LDLRAD4: variants seen among roughly 807,000 people sequenced by gnomAD.
LDLRAD4 encodes low-density lipoprotein receptor class A domain-containing protein 4.
LDLRAD4 carries 5 observed loss-of-function variants against 17.0 expected under a neutral mutation model. The observed-to-expected ratio is 0.29, with a 90% CI of 0.15 to 0.62. The LOEUF (loss-of-function observed/expected upper bound fraction) is 0.62, where lower values mean the gene tolerates loss of function less well. Among genes scored for constraint, LDLRAD4 ranks in the 20% least tolerant of loss-of-function variants. LDLRAD4 has a pLI of 0.84. For missense variants in LDLRAD4, 340 were observed against 424.7 expected, an observed-to-expected ratio of 0.80 and a Z score of 1.75; for synonymous variants, 168 against 171.8, an observed-to-expected ratio of 0.98 and a Z score of 0.17.
chr18:13,583,360 G>A lies in LDLRAD4; in HGVS notation c.182-37757G>A, dbSNP rs75212857. ...GGAGAGAGGATGGCTGACAGACTGG[G>A]GCGGCCTCCTGATGGCCACGTGTGT... is the stretch of plus-strand genomic sequence containing the variant. On this transcript the variant is annotated intron_variant, in intron 3 of 5. Coordinates refer to ENST00000359446, the Ensembl canonical transcript of LDLRAD4. Among the ~76,000 whole-genome samples, 158 of 152,226 alleles carry A rather than the reference G, an allele frequency of 1.0e-3. No individual in the cohort carries two copies. In the East Asian group the frequency reaches 0.019, roughly 18 times the overall value.
chr18:13,284,648 C>T (rs2045503067), intron 1 of LDLRAD4, among the ~76,000 whole-genome samples: 1 of 152,158 alleles, frequency 6.6e-6, no homozygotes, highest in African/African-American at 2.4e-5. Flanking sequence ...GGATTCTCAG[C>T]AGCAGCTTGA....
intron 3 of LDLRAD4, among the ~76,000 whole-genome samples, chr18:13,587,897 A>C (rs1436216087): frequency 6.6e-6 from 1 of 152,232 alleles, no homozygotes; most frequent in Non-Finnish European, 1.5e-5. Context: ...TTATGTAGTA[A>C]TAGCCGGTAG....
intron 1 of LDLRAD4, among the ~76,000 whole-genome samples, chr18:13,322,898 T>TACA (rs2143411140): frequency 6.6e-6 from 1 of 152,170 alleles, no homozygotes; most frequent in East Asian, 1.9e-4. Context: ...TTGCTGGCAT[T>TACA]ACAGGCGTGA....
intron 3 of LDLRAD4, among the ~76,000 whole-genome samples, chr18:13,504,585 G>A (rs539177636): frequency 2.6e-5 from 4 of 152,016 alleles, no homozygotes; most frequent in South Asian, 2.1e-4. Context: ...GCGCTATCAC[G>A]CCTGGCTAAT....
intron 3 of LDLRAD4, among the ~76,000 whole-genome samples, chr18:13,568,353 G>A (rs898134713): frequency 6.6e-6 from 1 of 151,834 alleles, no homozygotes; most frequent in Non-Finnish European, 1.5e-5. Context: ...TGGTATAGGG[G>A]CCCCACTAAG....
At chr18:13,371,139 G>A (rs1042037199) in intron 1 of LDLRAD4, among the ~76,000 whole-genome samples, 2 of 152,174 alleles carry the variant, frequency 1.3e-5, no homozygotes, top group Non-Finnish European at 2.9e-5. Flanking sequence ...CCACCAATGC[G>A]GTGGGAGGCT....
In LDLRAD4 at chr18:13,324,538, A is replaced by G. The variant is rs181929481; in HGVS notation, c.-383+46350A>G. On this transcript the variant is annotated intron_variant, in intron 1 of 5. Transcript: ENST00000359446. Reference sequence around the variant, plus strand: ...GCAGAGAACAGTGGCAGAACGGGGAAGAGGGAGAAGCGGCCTGTGGGTTTA... The same window carrying G: ...GCAGAGAACAGTGGCAGAACGGGGAGGAGGGAGAAGCGGCCTGTGGGTTTA... Among the ~76,000 whole-genome samples, 59 of 152,294 alleles carry G rather than the reference A, an allele frequency of 3.9e-4. No individual in the cohort carries two copies. In the East Asian group the frequency reaches 0.01, roughly 26 times the overall value.
chr18:13,376,226 A>T (rs2084901889), intron 1 of LDLRAD4, among the ~76,000 whole-genome samples: 1 of 152,206 alleles, frequency 6.6e-6, no homozygotes, highest in African/African-American at 2.4e-5. Context: ...GGTTGGAATA[A>T]ATCGATTCCT....
chr18:13,300,285 G>A lies in LDLRAD4; in HGVS notation c.-383+22097G>A, dbSNP rs1450877752. Reference sequence around the variant, plus strand: ...GCCGGCAGCCTCTTCCCACTCTCCTGCCCACCCCGCGCCTGTGCTCTGCCT... The same window carrying A: ...GCCGGCAGCCTCTTCCCACTCTCCTACCCACCCCGCGCCTGTGCTCTGCCT... On this transcript the variant is annotated intron_variant, in intron 1 of 5. Transcript: ENST00000359446. This position sits in a 1 kb window ranked among gnomAD's most constrained non-coding sequence, Gnocchi z 4.2. 6.6e-6 allele frequency among the ~76,000 whole-genome samples: 1 copy of A among 152,160 alleles called. No individual in the cohort carries two copies. The highest frequency in any genetic ancestry group is 6.5e-5 in the Admixed American group (1 of 15,276).
intron 1 of LDLRAD4, among the ~76,000 whole-genome samples, chr18:13,260,619 T>C (rs2043762064): frequency 6.6e-6 from 1 of 152,238 alleles, no homozygotes; most frequent in African/African-American, 2.4e-5. Context: ...GACTATTTCC[T>C]TTTTCCTGTT....
chr18:13,525,696 G>A (rs1281029825), intron 3 of LDLRAD4, among the ~76,000 whole-genome samples: 2 of 152,244 alleles, frequency 1.3e-5, no homozygotes, highest in African/African-American at 4.8e-5. Context: ...GCAGAGCTGG[G>A]TGGGAACCAG....
chr18:13,220,878 C>G (rs911881774), intron 1 of LDLRAD4, among the ~76,000 whole-genome samples: 1 of 152,196 alleles, frequency 6.6e-6, no homozygotes, highest in Non-Finnish European at 1.5e-5. Context: ...AGCAGAGATC[C>G]CTGAGCTCCT....
chr18:13,443,223 C>T (rs1052851021), intron 3 of LDLRAD4, among the ~76,000 whole-genome samples: 1 of 152,134 alleles, frequency 6.6e-6, no homozygotes, highest in Non-Finnish European at 1.5e-5. Context: ...ACTTCCGAAA[C>T]CAGCTCTTCC....
At chr18:13,374,265 T>G (rs1265698545) in intron 1 of LDLRAD4, among the ~76,000 whole-genome samples, 1 of 152,042 alleles carries the variant, frequency 6.6e-6, no homozygotes, top group Non-Finnish European at 1.5e-5. Context: ...CGGAGCCCTC[T>G]CAGCCCTGAC....
At chr18:13,383,729 G>C (rs2085566277) in intron 1 of LDLRAD4, among the ~76,000 whole-genome samples, 1 of 152,028 alleles carries the variant, frequency 6.6e-6, no homozygotes, top group African/African-American at 2.4e-5. Flanking sequence ...AGTTTTCTCT[G>C]GGTCCTGATC....
chr18:13,240,916 TTTTTC>T (rs796209182), intron 1 of LDLRAD4: 13 of 152,700 alleles, frequency 8.5e-5, no homozygotes, highest in South Asian at 2.1e-4. Context: ...GCGGGCTTTT[TTTTTC>T]TTTTCTTTTC....
At chr18:13,323,979 C>T (rs538584756) in intron 1 of LDLRAD4, among the ~76,000 whole-genome samples, 5 of 151,528 alleles carry the variant, frequency 3.3e-5, no homozygotes, top group Admixed American at 6.6e-5. Context: ...GCAGGAGAAT[C>T]GCTTGAACCT....
intron 3 of LDLRAD4, among the ~76,000 whole-genome samples, chr18:13,565,396 C>G (rs112458905): frequency 1.4e-5 from 2 of 140,094 alleles, no homozygotes; most frequent in Non-Finnish European, 3.2e-5. Flanking sequence ...GGCCAGGGCC[C>G]GGCCGTGCTG....
intron 2 of LDLRAD4, among the ~76,000 whole-genome samples, chr18:13,434,840 G>A (rs1308144735): frequency 2.6e-5 from 4 of 152,218 alleles, no homozygotes; most frequent in Admixed American, 2.6e-4. Context: ...ATTAACTAAA[G>A]AGGAGGCTTG....
Sources: allele counts gnomAD v4.1 joint callset (sites outside exome capture counted in the v4.1 genomes callset), GRCh38; gene constraint gnomAD v4.1.1; non-coding constraint Gnocchi (gnomAD v3.1); transcripts MANE v1.5; gene names NCBI Gene and HGNC (gene_info 2026-07-23, HGNC 2026-07-21).